Variants in RNF11 observed in about 807,000 individuals in gnomAD.
RNF11 encodes the protein ring finger protein 11.
Under a neutral mutation model 15.8 loss-of-function variants are expected in RNF11, and 4 were observed. The observed-to-expected ratio is 0.25, with a 90% CI of 0.12 to 0.58. RNF11 has a LOEUF of 0.58. RNF11 is among the 20% of genes least tolerant of loss of function. RNF11 has a pLI of 0.91. For missense variants in RNF11, 139 were observed against 194.4 expected (o/e 0.71, Z 1.70); for synonymous variants, 68 against 72.3 (o/e 0.94, Z 0.30).
intron 1 of RNF11, among the ~76,000 whole-genome samples, chr1:51,253,694 T>G (rs1297356267): frequency 1.3e-5 from 2 of 152,192 alleles, no homozygotes; most frequent in Non-Finnish European, 2.9e-5. Context: ...GCCATAAATT[T>G]TATGAAGAAG....
intron 1 of RNF11, among the ~76,000 whole-genome samples, chr1:51,250,366 C>T (rs183521434): frequency 1.6e-4 from 25 of 152,254 alleles, no homozygotes; most frequent in African/African-American, 5.8e-4. Context: ...GCTGTAGTCA[C>T]TATGTTATAC....
At position 51,272,571 on chromosome 1, in the gene RNF11, A is replaced by C. The variant is rs959913678; in HGVS notation, c.*1249A>C. 1.3e-5 allele frequency: 2 copies of C among 152,644 alleles called. No homozygotes were observed. Among genetic ancestry groups the C allele is most frequent in the Non-Finnish European group, 1.5e-5 (1 of 68,018 alleles). The allele number at this position is 152,644 out of a possible 1,614,324, so 9.5% of individuals were successfully genotyped here. A position where few individuals can be genotyped will look rare whatever the true frequency, so the allele number is the denominator to read the frequency against. ...TTTGTTTCTTGCAGTTAATGTAAGA[A>C]TACTTTAAATCTCTAAGCTTCTGAA... is the stretch of plus-strand genomic sequence containing the variant. On this transcript the variant is annotated 3_prime_UTR_variant, in exon 3 of 3. Coordinates refer to ENST00000242719, the MANE Select transcript of RNF11 (RefSeq NM_014372.5).
chr1:51,257,166 T>C (rs1646907502), intron 1 of RNF11, among the ~76,000 whole-genome samples: 1 of 152,204 alleles, frequency 6.6e-6, no homozygotes. Flanking sequence ...ACAGGATGGC[T>C]GGAGGGGCTG....
At chr1:51,257,667 A>G (rs1646910391) in intron 1 of RNF11, among the ~76,000 whole-genome samples, 1 of 151,760 alleles carries the variant, frequency 6.6e-6, no homozygotes, top group Non-Finnish European at 1.5e-5. Flanking sequence ...CACATTGCCC[A>G]GGCTGGTCTC....
chr1:51,236,996 C>T lies in RNF11; in HGVS notation c.123+117C>T, dbSNP rs571012316. ...CAAGGCCTGGCCTGGGCGGCATTGA[C>T]CCCTTAGGGCTGGATCTGAGGGCAT... On this transcript the variant is annotated intron_variant, in intron 1 of 2. Transcript: ENST00000242719. The T allele has an allele frequency of 1.3e-4, 171 of 1,328,718 alleles. No homozygotes were observed. The African/African-American group carries it at 2.3e-3, about 18-fold the overall frequency. 82.3% of individuals were successfully genotyped at this position (1,328,718 alleles called of 1,614,324 possible).
Position 51,236,672 on chromosome 1 carries a change from C to G in RNF11, c.-85C>G. Reference sequence around the variant, plus strand: ...CCCGGCCTGTCGCCCGACCCCACCTCGCCAACCGAGGCGGACCGCGGAGTG... The same window carrying G: ...CCCGGCCTGTCGCCCGACCCCACCTGGCCAACCGAGGCGGACCGCGGAGTG... On this transcript the variant is annotated 5_prime_UTR_variant, in exon 1 of 3. Coordinates refer to ENST00000242719, the MANE Select transcript of RNF11 (RefSeq NM_014372.5). 6.4e-7 allele frequency: 1 copy of G among 1,573,964 alleles called. No homozygotes were observed. Among genetic ancestry groups the G allele is most frequent in the Non-Finnish European group, 8.7e-7 (1 of 1,155,076 alleles).
In RNF11 at chr1:51,271,516, A is replaced by G; in HGVS notation, c.*194A>G. 1.9e-6 allele frequency: 1 copy of G among 517,598 alleles called. No homozygotes were observed. The highest frequency in any genetic ancestry group is 3.0e-5 in the South Asian group (1 of 33,544). The allele number at this position is 517,598 out of a possible 1,614,324, so 32.1% of individuals were successfully genotyped here. Reference sequence around the variant, plus strand: ...AACTTAGTGGGAAAAGTAGGATGGTATTTTTATGTAAAGCCTTGACCCAAT... The same window carrying G: ...AACTTAGTGGGAAAAGTAGGATGGTGTTTTTATGTAAAGCCTTGACCCAAT... On this transcript the variant is annotated 3_prime_UTR_variant, in exon 3 of 3. Transcript: ENST00000242719.
intron 1 of RNF11, among the ~76,000 whole-genome samples, chr1:51,245,405 G>A (rs1038547520): frequency 2.0e-5 from 3 of 151,968 alleles, no homozygotes; most frequent in Non-Finnish European, 4.4e-5. Context: ...CACCCACCTC[G>A]GCCTCCCAAA....
chr1:51,252,097 A>G (rs1396509070), intron 1 of RNF11, among the ~76,000 whole-genome samples: 5 of 151,496 alleles, frequency 3.3e-5, no homozygotes, highest in Admixed American at 6.6e-5. Context: ...AAAAAAAAAA[A>G]AAAAAGAAAC....
rs1206068290 is a variant in RNF11, at chr1:51,273,447, A to G, written c.*2125A>G. The stretch of plus-strand genomic sequence containing the variant: ...AAATAAAGTTATAATACAGCTGTGA[A>G]GGGCTAAAGTTAGAGTTGATTACAT... On this transcript the variant is annotated 3_prime_UTR_variant, in exon 3 of 3. Coordinates refer to ENST00000242719, the MANE Select transcript of RNF11 (RefSeq NM_014372.5). 6.6e-6 allele frequency: 1 copy of G among 152,198 alleles called. No individual in the cohort carries two copies. Among genetic ancestry groups the G allele is most frequent in the African/African-American group, 2.4e-5 (1 of 41,456 alleles). The allele number at this position is 152,198 out of a possible 1,614,324, so 9.4% of individuals were successfully genotyped here.
intron 1 of RNF11, among the ~76,000 whole-genome samples, chr1:51,258,342 G>C (rs1292641477): frequency 6.6e-6 from 1 of 152,202 alleles, no homozygotes. Flanking sequence ...AGGTTGGGCA[G>C]TAGAGCAGGG....
In RNF11 at chr1:51,254,763, A is replaced by G. The variant is rs564490414; in HGVS notation, c.124-15193A>G. 7.6e-4 allele frequency among the ~76,000 whole-genome samples: 116 copies of G among 152,076 alleles called. 1 individual carries two copies. The South Asian group carries it at 0.023, about 30-fold the overall frequency. ...CAGGTATAAGCCACTGCACCCGGCC[A>G]TTTTTTTGTATTTTTGTAAAGGCAG... On this transcript the variant is annotated intron_variant, in intron 1 of 2. Transcript: ENST00000242719.
In RNF11 at chr1:51,240,046, G is replaced by T. The variant is rs893694847; in HGVS notation, c.123+3167G>T. Among the ~76,000 whole-genome samples, 3 of 152,030 alleles carry T rather than the reference G, an allele frequency of 2.0e-5. No homozygotes were observed. In the South Asian group the frequency reaches 6.2e-4, roughly 32 times the overall value. ...TATCCCTGCTTTCACCCTTGTCCTC[G>T]CTAAGGCCTGTCCTCAATACAACAG... is the stretch of plus-strand genomic sequence containing the variant. On this transcript the variant is annotated intron_variant, in intron 1 of 2. Transcript: ENST00000242719.
intron 2 of RNF11, 60 bp from the exon 3 acceptor site, chr1:51,271,091 G>A: frequency 7.1e-7 from 1 of 1,408,530 alleles, no homozygotes; most frequent in Non-Finnish European, 1.0e-6. Flanking sequence ...GATTTAAAGA[G>A]TTTTCTGAAT....
intron 1 of RNF11, among the ~76,000 whole-genome samples, chr1:51,237,395 T>C (rs866601082): frequency 6.7e-6 from 1 of 149,592 alleles, no homozygotes; most frequent in African/African-American, 2.5e-5. Flanking sequence ...ATTTTAACCC[T>C]AGCGACATCG....
chr1:51,254,612 G>GC (rs926119352), intron 1 of RNF11, among the ~76,000 whole-genome samples: 11 of 151,974 alleles, frequency 7.2e-5, no homozygotes, highest in African/African-American at 2.7e-4. Context: ...ACAGGCGTGT[G>GC]CCACCACTCC....
intron 1 of RNF11, among the ~76,000 whole-genome samples, chr1:51,253,805 T>A (rs1201607301): frequency 6.6e-6 from 1 of 152,184 alleles, no homozygotes; most frequent in African/African-American, 2.4e-5. Context: ...CACTTCTTGT[T>A]TTAGAATATT....
At chr1:51,242,888 A>C (rs1023279422) in intron 1 of RNF11, among the ~76,000 whole-genome samples, 1 of 151,924 alleles carries the variant, frequency 6.6e-6, no homozygotes, top group East Asian at 1.9e-4. Context: ...AATTTATTTC[A>C]CGTATCTAGG....
At chr1:51,266,651 C>T (rs60396947) in intron 1 of RNF11, among the ~76,000 whole-genome samples, 3,210 of 151,984 alleles carry the variant, frequency 0.021, 95 homozygotes, top group African/African-American at 0.065. Flanking sequence ...TTTATAGAGA[C>T]GGGGTTTCAC....
Sources: allele counts gnomAD v4.1 joint callset (sites outside exome capture counted in the v4.1 genomes callset), GRCh38; gene constraint gnomAD v4.1.1; transcripts MANE v1.5; gene names NCBI Gene and HGNC (gene_info 2026-07-23, HGNC 2026-07-21).